MRM3: variants seen among roughly 807,000 people sequenced by gnomAD.
MRM3 encodes mitochondrial rRNA methyltransferase 3.
In MRM3, 26 loss-of-function variants were observed where a neutral mutation model predicts 29.4. The observed-to-expected ratio is 0.89, with a 90% confidence interval of 0.65 to 1.23. The LOEUF (loss-of-function observed/expected upper bound fraction) is 1.23, where lower values mean the gene tolerates loss of function less well. Among genes scored for constraint, MRM3 ranks in the 50% most tolerant of loss-of-function variants. The probability of loss-of-function intolerance (pLI) is 0.00; values close to 1 mark genes in which losing one functional copy is unlikely to be tolerated. For missense variants in MRM3, 578 were observed against 540.2 expected, an observed-to-expected ratio of 1.07 and a Z score of -0.69; for synonymous variants, 225 against 219.0, an observed-to-expected ratio of 1.03 and a Z score of -0.24.
intron 3 of MRM3, 146 bp from the exon 4 acceptor site, chr17:791,388 G>C: frequency 1.3e-6 from 1 of 773,482 alleles, no homozygotes; most frequent in Non-Finnish European, 2.1e-6. Flanking sequence ...GATGCTGTCA[G>C]AGAGAGGCAG....
In MRM3 at chr17:783,405, C is replaced by G. The variant is rs1261927620; in HGVS notation, c.559+78C>G. ...AGGCTGGAGTGCAATGGCGCGATCT[C>G]GGCCCACTGCAACCTCCGCCTCTCG... On this transcript the variant is annotated intron_variant, in intron 2 of 3. Transcript: ENST00000304478. The G allele has an allele frequency of 5.0e-6, 7 of 1,390,400 alleles. No homozygotes were observed. In the Admixed American group the frequency reaches 1.3e-4, roughly 25 times the overall value. 86.1% of individuals were successfully genotyped at this position (1,390,400 alleles called of 1,614,324 possible). A position where few individuals can be genotyped will look rare whatever the true frequency, so the allele number is the denominator to read the frequency against.
At position 784,404 on chromosome 17, in the gene MRM3, C is replaced by G. The variant is rs1285644113; in HGVS notation, c.559+1077C>G. On this transcript the variant is annotated intron_variant, in intron 2 of 3. Transcript: ENST00000304478. The stretch of plus-strand genomic sequence containing the variant: ...TTCTCACTAGCTACAGCCCTCTAAT[C>G]CACACGCCATGCTTCAGTGAAAGTG... Among the ~76,000 whole-genome samples, 5 of 152,340 alleles carry G rather than the reference C, an allele frequency of 3.3e-5. No homozygotes were observed. In the East Asian group the frequency reaches 9.6e-4, roughly 29 times the overall value.
At chr17:782,785 G>A (rs553272972) in intron 1 of MRM3, 93 bp downstream of exon 1, 6 of 1,327,382 alleles carry the variant, frequency 4.5e-6, no homozygotes, top group Non-Finnish European at 6.1e-6. Context: ...ACTTCTTCCA[G>A]TACAGCCCGC....
At position 792,261 on chromosome 17, in the gene MRM3, A is replaced by AT; in HGVS notation, c.*196dup. 1 of 563,764 alleles carries AT rather than the reference A, an allele frequency of 1.8e-6. No homozygotes were observed. 34.9% of individuals were successfully genotyped at this position (563,764 alleles called of 1,614,324 possible). A position where few individuals can be genotyped will look rare whatever the true frequency, so the allele number is the denominator to read the frequency against. ...CCGAATTCTTCCTGTCGCGTCACTG[A>AT]TTTTGAGGTTCTTTTTTCTCTTGGT... On this transcript the variant is annotated 3_prime_UTR_variant, in exon 4 of 4. Coordinates refer to ENST00000304478, the MANE Select transcript of MRM3 (RefSeq NM_018146.4).
intron 3 of MRM3, among the ~76,000 whole-genome samples, chr17:788,676 G>A (rs994675669): frequency 2.6e-5 from 4 of 152,112 alleles, no homozygotes; most frequent in African/African-American, 9.7e-5. Context: ...ATTGGATCTT[G>A]GGTCTGCCTT....
At chr17:790,950 TGTGCCACCACACCCCCACC>T (rs1910787848) in intron 3 of MRM3, among the ~76,000 whole-genome samples, 1 of 104,330 alleles carries the variant, frequency 9.6e-6, no homozygotes, top group African/African-American at 3.6e-5. Context: ...CCACCTCAAC[TGTGCCACCACACCCCCACC>T]GGCTGATTGG....
chr17:786,156 A>C (rs1274379524), intron 2 of MRM3, among the ~76,000 whole-genome samples: 7 of 152,244 alleles, frequency 4.6e-5, no homozygotes, highest in Admixed American at 4.6e-4. Flanking sequence ...GCCGGAATGC[A>C]GTGGCGCGAT....
At chr17:788,308 C>A in intron 3 of MRM3, 176 bp downstream of exon 3, 1 of 592,880 alleles carries the variant, frequency 1.7e-6, no homozygotes, top group Non-Finnish European at 2.9e-6. Context: ...TGTGCCTGTA[C>A]TCAGTCCCAG....
chr17:791,050 C>G (rs909264374), intron 3 of MRM3, among the ~76,000 whole-genome samples: 1 of 152,238 alleles, frequency 6.6e-6, no homozygotes, highest in East Asian at 1.9e-4. Context: ...AGTCCTTAGG[C>G]TGCGCCACTC....
At position 791,545 on chromosome 17, in the gene MRM3, GC is replaced by G. The variant is rs1910818861; in HGVS notation, c.741del (p.Trp248GlyfsTer66). 6.2e-7 allele frequency: 1 copy of G among 1,613,148 alleles called. No homozygotes were observed. Among genetic ancestry groups the G allele is most frequent in the East Asian group, 2.2e-5 (1 of 44,844 alleles). On this transcript the variant is annotated frameshift_variant, in exon 4 of 4. Transcript: ENST00000304478. LOFTEE classifies it high-confidence loss of function. Reference sequence around the variant, plus strand: ...TTTTTATTTTCCAGGCTGTGTGGATGCCTGGGAGCCCAAAGTGCTCCGGGCG... The same window carrying G: ...TTTTTATTTTCCAGGCTGTGTGGATGCTGGGAGCCCAAAGTGCTCCGGGCG... ...KVLLTKGCVD[A>X]WEPKVLRAGM...
intron 2 of MRM3, among the ~76,000 whole-genome samples, chr17:786,068 T>G (rs923238569): frequency 6.6e-6 from 1 of 152,176 alleles, no homozygotes; most frequent in African/African-American, 2.4e-5. Context: ...AGACCCGCTT[T>G]TAAGAAGGGT....
At position 787,847 on chromosome 17, in the gene MRM3, C is replaced by A; in HGVS notation, c.560-118C>A. On this transcript the variant is annotated intron_variant, in intron 2 of 3. Transcript: ENST00000304478. The surrounding 1 kb of genome is among the most constrained non-coding windows in gnomAD (Gnocchi z 4.1). ...TACAGGCATGAGCCAGTACACCTGG[C>A]CTGTATTCCTGTATTTTTATGTAAC... 9.5e-7 allele frequency: 1 copy of A among 1,056,316 alleles called. No homozygotes were observed. Among genetic ancestry groups the A allele is most frequent in the Non-Finnish European group, 1.4e-6 (1 of 697,910 alleles). The allele number at this position is 1,056,316 out of a possible 1,614,324, so 65.4% of individuals were successfully genotyped here.
At chr17:788,699 T>C (rs1910655448) in intron 3 of MRM3, among the ~76,000 whole-genome samples, 1 of 151,916 alleles carries the variant, frequency 6.6e-6, no homozygotes, top group African/African-American at 2.4e-5. Flanking sequence ...CTAGCTGTGG[T>C]CCCTGAGCAG....
rs767734696 is a variant in MRM3, at chr17:791,741, G to A, written c.935G>A (p.Arg312Gln). The change falls in exon 4 of 4, where the codon CGA becomes CAA. Residue 312 changes from arginine (R) to glutamine (Q), a missense_variant. Arg to Gln is a conservative substitution (Grantham distance 43, BLOSUM62 1). Coordinates refer to ENST00000304478, the MANE Select transcript of MRM3 (RefSeq NM_018146.4). ...GACCATGGCTGGGTGTGTGATCAACGAGTGATGAAGTTTCACAAGTATGAG... is the reference window on the plus strand; with the variant it reads ...GACCATGGCTGGGTGTGTGATCAACAAGTGATGAAGTTTCACAAGTATGAG... ...ASDHGWVCDQ[R>Q]VMKFHKYEEE... The A allele has an allele frequency of 1.2e-6, 2 of 1,614,198 alleles. No individual in the cohort carries two copies. Among genetic ancestry groups the A allele is most frequent in the South Asian group, 2.2e-5 (2 of 91,090 alleles).
chr17:783,120 GA>G lies in MRM3; in HGVS notation c.357del (p.Lys119AsnfsTer31), dbSNP rs764168216. 1.2e-6 allele frequency: 2 copies of G among 1,613,856 alleles called. No individual in the cohort carries two copies. Among genetic ancestry groups the G allele is most frequent in the Non-Finnish European group, 8.5e-7 (1 of 1,179,932 alleles). ...MTIVKSRPFR[E>X]KQGKILLEGR... ...AATAGTAAAGTCCAGGCCATTTCGG[GA>G]AAAACAAGGGAAGATCCTGCTGGAA... On this transcript the variant is annotated frameshift_variant, in exon 2 of 4. Coordinates refer to ENST00000304478, the MANE Select transcript of MRM3 (RefSeq NM_018146.4). LOFTEE classifies it high-confidence loss of function.
rs369685871 is a variant in MRM3, at chr17:791,781, A to G, written c.975A>G (p.Val325=). ...KFHKYEEEED[V]ETGASQDWLP... Reference sequence around the variant, plus strand: ...ACAAGTATGAGGAAGAGGAAGATGTAGAAACCGGAGCCAGTCAAGATTGGC... The same window carrying G: ...ACAAGTATGAGGAAGAGGAAGATGTGGAAACCGGAGCCAGTCAAGATTGGC... The change falls in exon 4 of 4, where the codon GTA becomes GTG. Residue 325 remains valine, a synonymous_variant. Transcript: ENST00000304478. 23 of 1,614,114 alleles carry G rather than the reference A, an allele frequency of 1.4e-5. No individual in the cohort carries two copies. In the Middle Eastern group the frequency reaches 4.9e-4, roughly 35 times the overall value.
chr17:787,922 G>T lies in MRM3; in HGVS notation c.560-43G>T, dbSNP rs761070281. On this transcript the variant is annotated intron_variant, in intron 2 of 3. Transcript: ENST00000304478. This position sits in a 1 kb window ranked among gnomAD's most constrained non-coding sequence, Gnocchi z 4.1. Reference sequence around the variant, plus strand: ...TAAATGAAAAGTCAGACTATTCCCCGTGCCCACACCAGGCAAGTAAACCAC... The same window carrying T: ...TAAATGAAAAGTCAGACTATTCCCCTTGCCCACACCAGGCAAGTAAACCAC... 6 of 1,585,066 alleles carry T rather than the reference G, an allele frequency of 3.8e-6. No individual in the cohort carries two copies. The East Asian group carries it at 8.9e-5, about 24-fold the overall frequency.
chr17:782,806 A>G, intron 1 of MRM3, 114 bp downstream of exon 1: 2 of 1,151,076 alleles, frequency 1.7e-6, no homozygotes, highest in Non-Finnish European at 2.4e-6. Flanking sequence ...TGGTTTTTGT[A>G]TTATGCACAG....
chr17:788,757 T>C (rs1018722645), intron 3 of MRM3, among the ~76,000 whole-genome samples: 1 of 150,702 alleles, frequency 6.6e-6, no homozygotes, highest in African/African-American at 2.4e-5. Context: ...AAGTCGACCA[T>C]TGTTAGGTGA....
Sources: gnomAD v4.1 joint callset for allele counts (sites outside exome capture counted in the v4.1 genomes callset) on GRCh38, gnomAD v4.1.1 for gene constraint, Gnocchi (gnomAD v3.1) non-coding constraint, MANE v1.5 for transcripts, NCBI Gene and HGNC (gene_info 2026-07-23, HGNC 2026-07-21) for gene names.